Variants in TNRC6C observed in about 807,000 individuals in gnomAD.
TNRC6C encodes the protein trinucleotide repeat containing adaptor 6C.
In TNRC6C, 20 loss-of-function variants were observed where a neutral mutation model predicts 153.7. The ratio of observed to expected loss-of-function variants is 0.13; its 90% CI spans 0.09 to 0.19. TNRC6C has a LOEUF of 0.19. Among genes scored for constraint, TNRC6C ranks in the 10% least tolerant of loss-of-function variants. TNRC6C has a pLI of 1.00. For synonymous variants in TNRC6C, 811 were observed against 841.4 expected (o/e 0.96, Z 0.63); for missense variants, 1,987 against 2,172.0 (o/e 0.91, Z 1.69).
intron 1 of TNRC6C, among the ~76,000 whole-genome samples, chr17:77,985,558 C>T (rs1359167879): frequency 2.7e-5 from 4 of 149,704 alleles, no homozygotes; most frequent in South Asian, 2.1e-4. Context: ...GCCGAGATCG[C>T]GCCACTGCAC....
chr17:77,968,470 T>C (rs2144050398), intron 1 of TNRC6C, among the ~76,000 whole-genome samples: 1 of 151,952 alleles, frequency 6.6e-6, no homozygotes, highest in Middle Eastern at 3.4e-3. Context: ...GCCTCCCAAG[T>C]AACTGGGACT....
exon 16 of TNRC6C, chr17:78,093,686 C>T: frequency 6.2e-7 from 1 of 1,614,022 alleles, no homozygotes; most frequent in Non-Finnish European, 8.5e-7. Context: ...CCTGACGTCA[C>T]TCCTGGCAGT....
intron 16 of TNRC6C, among the ~76,000 whole-genome samples, chr17:78,094,806 A>G (rs1348408649): frequency 6.6e-6 from 1 of 152,226 alleles, no homozygotes; most frequent in Non-Finnish European, 1.5e-5. Context: ...AAGCCAACAT[A>G]AGTACAGATT....
chr17:78,084,354 A>G (rs2073238556), intron 11 of TNRC6C, among the ~76,000 whole-genome samples: 1 of 151,786 alleles, frequency 6.6e-6, no homozygotes, highest in Admixed American at 6.6e-5. Context: ...GGGAACTCCA[A>G]AAGACAGAAC....
At chr17:77,965,793 C>G (rs998710912) in intron 1 of TNRC6C, among the ~76,000 whole-genome samples, 3 of 152,254 alleles carry the variant, frequency 2.0e-5, no homozygotes, top group Non-Finnish European at 4.4e-5. Flanking sequence ...ACTGGATCTC[C>G]TCTCTTAAGG....
chr17:78,101,091 C>A (rs2073585586), intron 17 of TNRC6C, among the ~76,000 whole-genome samples: 2 of 152,160 alleles, frequency 1.3e-5, no homozygotes, highest in Non-Finnish European at 2.9e-5. Context: ...TCTGAACTTT[C>A]ATGTTCGACT....
At chr17:77,987,773 G>A (rs1344052404) in intron 1 of TNRC6C, among the ~76,000 whole-genome samples, 3 of 152,008 alleles carry the variant, frequency 2.0e-5, no homozygotes, top group African/African-American at 7.2e-5. Context: ...TCTGCCTCCC[G>A]GGTTCAAGCG....
chr17:78,039,129 A>G (rs2072240672), intron 2 of TNRC6C, among the ~76,000 whole-genome samples: 1 of 152,256 alleles, frequency 6.6e-6, no homozygotes, highest in South Asian at 2.1e-4. Context: ...GAGAGGCAGT[A>G]GGGACAAAAA....
At position 78,103,331 on chromosome 17, in the gene TNRC6C, A is replaced by G. The variant is rs534387453; in HGVS notation, c.4573-83A>G. 1.9e-5 allele frequency: 29 copies of G among 1,533,362 alleles called. No homozygotes were observed. The Admixed American group carries it at 2.3e-4, about 12-fold the overall frequency. 95.0% of individuals were successfully genotyped at this position (1,533,362 alleles called of 1,614,324 possible). ...ACATTCCTAGTGTTTAGTGTATCCA[A>G]TTTCATACGTTTTTTCTTTGGAAGG... On this transcript the variant is annotated intron_variant, in intron 18 of 19. Transcript: ENST00000301624.
intron 1 of TNRC6C, among the ~76,000 whole-genome samples, chr17:77,995,629 C>T (rs1468602536): frequency 1.3e-5 from 2 of 152,162 alleles, no homozygotes; most frequent in Non-Finnish European, 2.9e-5. Flanking sequence ...AATAACCACT[C>T]TGTAACACAT....
rs2073295373 is a variant in TNRC6C, at chr17:78,086,605, G to T, written c.3561+19G>T. On this transcript the variant is annotated intron_variant, in intron 12 of 19. Coordinates refer to ENST00000301624, the Ensembl canonical transcript of TNRC6C. ...GCAGCAAGTAGGTGCTACCCAGATTGATTTTTGTCATGAGCTATAATTTTC... is the reference window on the plus strand; with the variant it reads ...GCAGCAAGTAGGTGCTACCCAGATTTATTTTTGTCATGAGCTATAATTTTC... The T allele has an allele frequency of 1.2e-6, 2 of 1,611,690 alleles. No individual in the cohort carries two copies. The highest frequency in any genetic ancestry group is 1.7e-5 in the Admixed American group (1 of 59,864).
At chr17:78,053,939 T>TTG (rs2072591158) in intron 3 of TNRC6C, among the ~76,000 whole-genome samples, 1 of 152,150 alleles carries the variant, frequency 6.6e-6, no homozygotes, top group Non-Finnish European at 1.5e-5. Flanking sequence ...TGGTGATACA[T>TTG]TCTAAGAAAT....
At position 78,079,272 on chromosome 17, in the gene TNRC6C, T is replaced by C. The variant is rs1598766324; in HGVS notation, c.3211-123T>C. 18 of 1,410,454 alleles carry C rather than the reference T, an allele frequency of 1.3e-5. No homozygotes were observed. Among genetic ancestry groups the C allele is most frequent in the Admixed American group, 6.2e-5 (3 of 48,692 alleles). The allele number at this position is 1,410,454 out of a possible 1,614,324, so 87.4% of individuals were successfully genotyped here. ...TCAAAAAAATTCTCTTGGGTACAAG[T>C]TGACAGTGGTAGGAAGTAGAAACAA... On this transcript the variant is annotated intron_variant, in intron 9 of 19. Transcript: ENST00000301624. This position sits in a 1 kb window ranked among gnomAD's most constrained non-coding sequence, Gnocchi z 4.3.
In TNRC6C at chr17:78,049,702, A is replaced by T. The variant is rs757249386; in HGVS notation, c.640A>T (p.Met214Leu). ...GCCAAACTGGGGCATGGCTGTTGGT[A>T]TGGGGGCCATCATCCCGCCCCACCT... The change falls in exon 3 of 20, where the codon ATG becomes TTG. Residue 214 changes from methionine (M) to leucine (L), a missense_variant. Transcript: ENST00000301624. This position sits in a 1 kb window ranked among gnomAD's most constrained non-coding sequence, Gnocchi z 4.1. The T allele has an allele frequency of 6.2e-7, 1 of 1,605,032 alleles. No individual in the cohort carries two copies. The highest frequency in any genetic ancestry group is 2.2e-5 in the East Asian group (1 of 44,760).
At chr17:78,050,112 T>A (rs2072492881) in exon 3 of TNRC6C, 2 of 1,607,630 alleles carry the variant, frequency 1.2e-6, no homozygotes, top group Non-Finnish European at 1.7e-6. Context: ...CAAACCAGCA[T>A]TCCAACAGTG....
At position 78,104,034 on chromosome 17, in the gene TNRC6C, C is replaced by T. The variant is rs1237975965; in HGVS notation, c.4713-451C>T. Among the ~76,000 whole-genome samples the T allele has an allele frequency of 6.6e-6, 1 of 152,160 alleles. No homozygotes were observed. The highest frequency in any genetic ancestry group is 1.5e-5 in the Non-Finnish European group (1 of 68,018). On this transcript the variant is annotated intron_variant, in intron 19 of 19. Transcript: ENST00000301624. The surrounding 1 kb of genome is among the most constrained non-coding windows in gnomAD (Gnocchi z 6.2). Reference sequence around the variant, plus strand: ...GGGACTTACTGGTTTTTTTCTGCTGCTGAGTTGCTGTGTCTACTCCCTCCC... The same window carrying T: ...GGGACTTACTGGTTTTTTTCTGCTGTTGAGTTGCTGTGTCTACTCCCTCCC...
intron 1 of TNRC6C, among the ~76,000 whole-genome samples, chr17:78,012,910 C>T (rs1291998449): frequency 6.6e-6 from 1 of 152,078 alleles, no homozygotes; most frequent in African/African-American, 2.4e-5. Flanking sequence ...GAAAAGATAA[C>T]TTGTTTTTAA....
intron 1 of TNRC6C, among the ~76,000 whole-genome samples, chr17:78,021,693 C>T (rs1302185568): frequency 6.6e-6 from 1 of 152,184 alleles, no homozygotes; most frequent in African/African-American, 2.4e-5. Context: ...CCTCAGCCTC[C>T]CAAGTAGCTG....
chr17:78,102,672 G>C (rs555923096), intron 18 of TNRC6C, 128 bp downstream of exon 21: 2 of 907,010 alleles, frequency 2.2e-6, no homozygotes, highest in South Asian at 1.8e-5. Context: ...CATAAGTGAC[G>C]CTGCATGGGA....
Sources: allele counts gnomAD v4.1 joint callset (sites outside exome capture counted in the v4.1 genomes callset), GRCh38; gene constraint gnomAD v4.1.1; non-coding constraint Gnocchi (gnomAD v3.1); transcripts MANE v1.5; gene names NCBI Gene and HGNC (gene_info 2026-07-23, HGNC 2026-07-21).